GNAO1: variants seen among roughly 807,000 people sequenced by gnomAD.
The protein encoded by GNAO1 is G protein subunit alpha o1, also known as guanine nucleotide-binding protein G(o) subunit alpha.
For missense variants in GNAO1, 166 were observed against 478.7 expected (o/e 0.35, Z 6.10); for synonymous variants, 164 against 180.7 (o/e 0.91, Z 0.74).
At chr16:56,348,361 C>T (rs1267306127) in intron 6 of GNAO1, among the ~76,000 whole-genome samples, 2 of 152,184 alleles carry the variant, frequency 1.3e-5, no homozygotes, top group Non-Finnish European at 2.9e-5. Flanking sequence ...GACTGGGCGC[C>T]CTGCCCCCCT....
chr16:56,231,113 A>C (rs1342698680), intron 2 of GNAO1, among the ~76,000 whole-genome samples: 1 of 152,214 alleles, frequency 6.6e-6, no homozygotes, highest in Non-Finnish European at 1.5e-5. Flanking sequence ...CCAAAACAGG[A>C]TGACACCATT....
intron 2 of GNAO1, among the ~76,000 whole-genome samples, chr16:56,220,738 T>TTG (rs1567443260): frequency 9.2e-5 from 14 of 151,454 alleles, no homozygotes; most frequent in East Asian, 1.9e-4. Flanking sequence ...GCGTGGGTTT[T>TTG]TTGTTGTTGT....
At chr16:56,235,040 G>A in intron 2 of GNAO1, 1 of 312,166 alleles carries the variant, frequency 3.2e-6, no homozygotes, top group South Asian at 2.8e-5. Context: ...ATAAGGTGCT[G>A]CGGCACTTGA....
chr16:56,348,896 A>G (rs565825928), intron 6 of GNAO1, among the ~76,000 whole-genome samples: 14 of 152,088 alleles, frequency 9.2e-5, no homozygotes, highest in Admixed American at 8.5e-4. Flanking sequence ...CTGCTCCCCA[A>G]GTCCTCCCCT....
intron 4 of GNAO1, among the ~76,000 whole-genome samples, chr16:56,331,054 G>A (rs1409544579): frequency 6.6e-6 from 1 of 152,238 alleles, no homozygotes; most frequent in Non-Finnish European, 1.5e-5. Flanking sequence ...ATAGAAAGCA[G>A]ATCAGAGTAG....
At chr16:56,292,224 C>G (rs1354370270) in intron 3 of GNAO1, among the ~76,000 whole-genome samples, 1 of 152,152 alleles carries the variant, frequency 6.6e-6, no homozygotes, top group Admixed American at 6.5e-5. Context: ...GCAGGAGGAG[C>G]CTACAATTCA....
chr16:56,263,196 G>A (rs2036919742), intron 2 of GNAO1, among the ~76,000 whole-genome samples: 1 of 152,226 alleles, frequency 6.6e-6, no homozygotes, highest in Non-Finnish European at 1.5e-5. Flanking sequence ...AGGGCTATGA[G>A]TGGGGGATGG....
intron 2 of GNAO1, among the ~76,000 whole-genome samples, chr16:56,218,568 T>C (rs1260744868): frequency 1.3e-5 from 2 of 152,180 alleles, no homozygotes; most frequent in Non-Finnish European, 2.9e-5. Context: ...GCATGTACTC[T>C]GCCCCTGTGA....
At chr16:56,275,600 C>T (rs2037054470) in intron 2 of GNAO1, among the ~76,000 whole-genome samples, 1 of 152,190 alleles carries the variant, frequency 6.6e-6, no homozygotes, top group African/African-American at 2.4e-5. Context: ...CCGAACTTTG[C>T]TTAAAATACT....
intron 2 of GNAO1, among the ~76,000 whole-genome samples, chr16:56,258,689 G>A (rs1464455005): frequency 6.6e-6 from 1 of 152,232 alleles, no homozygotes; most frequent in South Asian, 2.1e-4. Context: ...CCACAAATCG[G>A]TCTGGACAGA....
At chr16:56,220,068 A>G (rs1312936718) in intron 2 of GNAO1, among the ~76,000 whole-genome samples, 1 of 152,002 alleles carries the variant, frequency 6.6e-6, no homozygotes, top group African/African-American at 2.4e-5. Flanking sequence ...CCCTGACAAA[A>G]CTTCTCCATA....
intron 2 of GNAO1, among the ~76,000 whole-genome samples, chr16:56,240,510 T>C (rs1433533578): frequency 6.6e-6 from 1 of 152,160 alleles, no homozygotes; most frequent in African/African-American, 2.4e-5. Context: ...TATTGAGTGG[T>C]GGGTCCCATA....
chr16:56,210,350 A>G (rs2036374894), intron 2 of GNAO1, among the ~76,000 whole-genome samples: 1 of 152,228 alleles, frequency 6.6e-6, no homozygotes, highest in African/African-American at 2.4e-5. Flanking sequence ...AGTTTTGGGA[A>G]TTATGAATAA....
At chr16:56,209,315 C>T (rs1179804830) in intron 2 of GNAO1, among the ~76,000 whole-genome samples, 2 of 152,156 alleles carry the variant, frequency 1.3e-5, no homozygotes, top group Non-Finnish European at 2.9e-5. Flanking sequence ...TATAGCATCC[C>T]ATTGGACTCT....
At chr16:56,227,064 C>T (rs550927708) in intron 2 of GNAO1, among the ~76,000 whole-genome samples, 11 of 151,664 alleles carry the variant, frequency 7.3e-5, no homozygotes, top group East Asian at 5.8e-4. Flanking sequence ...AGGGGTGTGG[C>T]GGGTAGGGAA....
At chr16:56,338,878 C>G (rs557191135) in intron 6 of GNAO1, among the ~76,000 whole-genome samples, 1 of 152,352 alleles carries the variant, frequency 6.6e-6, no homozygotes, top group African/African-American at 2.4e-5. Context: ...CACTTGCCCT[C>G]CGGTCTTCTC....
intron 3 of GNAO1, among the ~76,000 whole-genome samples, chr16:56,316,217 C>T (rs1304644441): frequency 6.6e-6 from 1 of 152,178 alleles, no homozygotes; most frequent in Non-Finnish European, 1.5e-5. Context: ...AGGCCAGGAG[C>T]CCACGCCACA....
Position 56,191,934 on chromosome 16 carries a change from C to T in GNAO1, c.-302C>T. On this transcript the variant is annotated 5_prime_UTR_variant, in exon 1 of 9. Coordinates refer to ENST00000262493, the MANE Select transcript of GNAO1 (RefSeq NM_020988.3). This position sits in a 1 kb window ranked among gnomAD's most constrained non-coding sequence, Gnocchi z 4.7. ...TGCACAAGCCTCAGTGCCTGCAGTC[C>T]GCGCCTCCTCGGCCCGCGGGCGCCT... The T allele has an allele frequency of 6.4e-6, 3 of 465,244 alleles. No individual in the cohort carries two copies. In the Admixed American group the frequency reaches 1.2e-4, roughly 18 times the overall value. The allele number at this position is 465,244 out of a possible 1,614,324, so 28.8% of individuals were successfully genotyped here.
At chr16:56,224,516 C>T (rs2143377251) in intron 2 of GNAO1, among the ~76,000 whole-genome samples, 1 of 152,298 alleles carries the variant, frequency 6.6e-6, no homozygotes, top group East Asian at 1.9e-4. Flanking sequence ...CTCACTCTGT[C>T]ACCCAGGCTG....
Sources: allele counts gnomAD v4.1 joint callset (sites outside exome capture counted in the v4.1 genomes callset), GRCh38; gene constraint gnomAD v4.1.1; non-coding constraint Gnocchi (gnomAD v3.1); transcripts MANE v1.5; gene names NCBI Gene and HGNC (gene_info 2026-07-23, HGNC 2026-07-21).